Variants in ETV1 observed in about 807,000 individuals in gnomAD.
ETV1 encodes ETS variant transcription factor 1.
ETV1 carries 27 observed loss-of-function variants against 62.3 expected under a neutral mutation model. The ratio of observed to expected loss-of-function variants is 0.43; its 90% CI spans 0.32 to 0.60. The LOEUF is 0.60. ETV1 is among the 20% of genes least tolerant of loss of function. The pLI, the probability that ETV1 is intolerant of heterozygous loss-of-function variation, is 0.06. For missense variants in ETV1, 605 were observed against 605.8 expected, an observed-to-expected ratio of 1.00 and a Z score of 0.01; for synonymous variants, 222 against 199.6, an observed-to-expected ratio of 1.11 and a Z score of -0.94.
At chr7:13,967,562 T>A (rs188157022) in intron 6 of ETV1, among the ~76,000 whole-genome samples, 1 of 152,164 alleles carries the variant, frequency 6.6e-6, no homozygotes, top group Non-Finnish European at 1.5e-5. Context: ...GCTTTAGATT[T>A]AAAAAAACAA....
chr7:13,947,146 T>C (rs1223810879), intron 6 of ETV1, among the ~76,000 whole-genome samples: 7 of 152,218 alleles, frequency 4.6e-5, no homozygotes, highest in Non-Finnish European at 8.8e-5. Flanking sequence ...GGGCATTATT[T>C]GTATCCTTAC....
rs1330760940 is a variant in ETV1, at chr7:13,987,036, AACTCTTGC to A, written c.134-359_134-352del. ...ACTGAAATCTTCCTTAAATATATTTAACTCTTGCTAAAATAGTAGTAGGGGGAAGATTA... is the reference window on the plus strand; with the variant it reads ...ACTGAAATCTTCCTTAAATATATTTATAAAATAGTAGTAGGGGGAAGATTA... On this transcript the variant is annotated intron_variant, in intron 4 of 13. Coordinates refer to ENST00000430479, the MANE Select transcript of ETV1 (RefSeq NM_004956.5). The A allele has an allele frequency of 9.7e-4, 203 of 208,700 alleles. 1 individual carries two copies. Among genetic ancestry groups the A allele is most frequent in the African/African-American group, 4.6e-3 (197 of 42,390 alleles). The allele number at this position is 208,700 out of a possible 1,614,324, so 12.9% of individuals were successfully genotyped here.
chr7:13,961,888 A>G (rs1790208474), intron 6 of ETV1, among the ~76,000 whole-genome samples: 1 of 152,286 alleles, frequency 6.6e-6, no homozygotes, highest in African/African-American at 2.4e-5. Context: ...TGAACTACTT[A>G]GTGTGATCAA....
At chr7:13,985,489 T>G (rs989687729) in intron 5 of ETV1, 1 of 152,218 alleles carries the variant, frequency 6.6e-6, no homozygotes, top group East Asian at 1.9e-4. Flanking sequence ...TTATTTTACA[T>G]GCTAACAGCA....
intron 12 of ETV1, among the ~76,000 whole-genome samples, chr7:13,905,905 C>A (rs1184610031): frequency 6.6e-6 from 1 of 152,126 alleles, no homozygotes. Context: ...CCACTGTTGC[C>A]CTTGCATCCC....
chr7:13,935,934 T>A, intron 7 of ETV1, 38 bp from the exon 8 acceptor site: 1 of 1,480,426 alleles, frequency 6.8e-7, no homozygotes, highest in East Asian at 2.3e-5. Flanking sequence ...CATTTCTTTC[T>A]TTGGAGCAAT....
chr7:13,977,611 T>G (rs1257064378), intron 5 of ETV1, 131 bp from the exon 6 acceptor site: 4 of 647,228 alleles, frequency 6.2e-6, no homozygotes, highest in Middle Eastern at 4.3e-4. Flanking sequence ...GCCAATGAGC[T>G]CCTATTTAAA....
At chr7:13,986,347 T>C in intron 5 of ETV1, 1 of 1,490,326 alleles carries the variant, frequency 6.7e-7, no homozygotes, top group Non-Finnish European at 8.8e-7. Flanking sequence ...GCAATTAAAA[T>C]CTGAACAGAG....
chr7:13,939,157 A>G lies in ETV1; in HGVS notation c.325T>C (p.Phe109Leu), dbSNP rs1284796770. 1.2e-6 allele frequency: 2 copies of G among 1,613,412 alleles called. No individual in the cohort carries two copies. The highest frequency in any genetic ancestry group is 4.5e-5 in the East Asian group (2 of 44,832). The change falls in exon 7 of 14, where the codon TTT (phenylalanine) becomes CTT (leucine). Residue 109 changes from phenylalanine (F) to leucine (L), a missense_variant. Physicochemically the swap from Phe to Leu is conservative, Grantham distance 22. This residue lies in a region of ETV1 where 426 missense variants were observed against 377.8 expected (regional missense o/e 1.13). Transcript: ENST00000430479. ...CACTTTTCTCCATAGCTGAATTTAA[A>G]GGGCTGTTCTTGACTGCAGGCAGAG... is the stretch of plus-strand genomic sequence containing the variant. ...ISSACSQEQP[F>L]KFSYGEKCLY...
intron 6 of ETV1, among the ~76,000 whole-genome samples, chr7:13,950,609 T>A (rs1323276554): frequency 6.6e-6 from 1 of 152,092 alleles, no homozygotes; most frequent in East Asian, 1.9e-4. Context: ...GACTTAAAAA[T>A]TCAACTGTCT....
intron 6 of ETV1, among the ~76,000 whole-genome samples, chr7:13,971,777 T>G (rs1014843742): frequency 1.3e-5 from 2 of 152,100 alleles, no homozygotes; most frequent in African/African-American, 4.8e-5. Flanking sequence ...CATAACTTTG[T>G]TACGAAGAAC....
At chr7:13,960,289 T>C (rs1174827870) in intron 6 of ETV1, among the ~76,000 whole-genome samples, 1 of 152,214 alleles carries the variant, frequency 6.6e-6, no homozygotes, top group African/African-American at 2.4e-5. Flanking sequence ...TCAACATTGC[T>C]ATTCTGAATC....
rs1786742554 is a variant in ETV1, at chr7:13,935,807, G to C, written c.455C>G (p.Ser152Cys). Residue 152 changes from serine (S) to cysteine (C), a missense_variant, in exon 8 of 14, where the codon TCT becomes TGT. This residue lies in a region of ETV1 where 426 missense variants were observed against 377.8 expected (regional missense o/e 1.13). Coordinates refer to ENST00000430479, the MANE Select transcript of ETV1 (RefSeq NM_004956.5). ...TTTCGGTGTATGAGTTGAGTTTGGA[G>C]ATGCATGATGCAGTGGGGACACTGG... ...STPVSPLHHA[S>C]PNSTHTPKPD... The C allele has an allele frequency of 1.2e-6, 2 of 1,613,848 alleles. No homozygotes were observed. Among genetic ancestry groups the C allele is most frequent in the Non-Finnish European group, 8.5e-7 (1 of 1,179,872 alleles).
chr7:13,949,096 C>CA (rs980913750), intron 6 of ETV1, among the ~76,000 whole-genome samples: 6 of 150,854 alleles, frequency 4.0e-5, no homozygotes, highest in African/African-American at 1.5e-4. Context: ...CTGAAAAAGT[C>CA]AAAACAAATC....
At chr7:13,945,609 T>G (rs1788063852) in intron 6 of ETV1, among the ~76,000 whole-genome samples, 1 of 152,246 alleles carries the variant, frequency 6.6e-6, no homozygotes, top group Non-Finnish European at 1.5e-5. Context: ...TTCCTTATTT[T>G]AACTTTCCTG....
chr7:13,988,438 G>T, intron 3 of ETV1: 1 of 581,038 alleles, frequency 1.7e-6, no homozygotes, highest in Non-Finnish European at 3.0e-6. Context: ...TATATTCATG[G>T]TATCTCAGCA....
intron 9 of ETV1, among the ~76,000 whole-genome samples, chr7:13,918,175 A>C (rs961769549): frequency 4.0e-5 from 6 of 151,294 alleles, no homozygotes; most frequent in South Asian, 4.2e-4. Flanking sequence ...CACAATATTC[A>C]GATAACTTTT....
intron 5 of ETV1, among the ~76,000 whole-genome samples, chr7:13,982,199 C>T (rs1369099400): frequency 6.6e-6 from 1 of 152,038 alleles, no homozygotes. Flanking sequence ...AAGGGAAGCT[C>T]AGAGCCAACT....
rs552841773 is a variant in ETV1, at chr7:13,906,617, T to A, written c.941-18A>T. The A allele has an allele frequency of 1.9e-6, 3 of 1,563,190 alleles. No homozygotes were observed. The South Asian group carries it at 3.6e-5, about 19-fold the overall frequency. ...GATGTCTCCTAAATTAAAACATTTT[T>A]AAGTTTCTATTATTAGCAATACTAT... is the stretch of plus-strand genomic sequence containing the variant. On this transcript the variant is annotated intron_variant, in intron 11 of 13. Coordinates refer to ENST00000430479, the MANE Select transcript of ETV1 (RefSeq NM_004956.5).
Sources: allele counts gnomAD v4.1 joint callset (sites outside exome capture counted in the v4.1 genomes callset), GRCh38; gene constraint gnomAD v4.1.1; regional missense constraint gnomAD v4.1.1; transcripts MANE v1.5; gene names NCBI Gene and HGNC (gene_info 2026-07-23, HGNC 2026-07-21).